Variants in APBB2 observed in about 807,000 individuals in gnomAD.
APBB2 encodes amyloid beta precursor protein binding family B member 2.
APBB2 carries 38 observed loss-of-function variants against 82.5 expected under a neutral mutation model. The observed-to-expected ratio is 0.46, with a 90% CI of 0.36 to 0.60. The LOEUF is 0.60. Among genes scored for constraint, APBB2 ranks in the 20% least tolerant of loss-of-function variants. The pLI is 0.00. For missense variants in APBB2, 772 were observed against 972.3 expected (o/e 0.79, Z 2.74); for synonymous variants, 341 against 368.2 (o/e 0.93, Z 0.85).
intron 12 of APBB2, among the ~76,000 whole-genome samples, chr4:40,871,982 C>T (rs1197936885): frequency 2.6e-5 from 4 of 152,158 alleles, no homozygotes; most frequent in Admixed American, 2.6e-4. Flanking sequence ...AAAGACAGCA[C>T]AGGGCATGGT....
At chr4:40,988,570 G>A (rs1209315845) in intron 6 of APBB2, among the ~76,000 whole-genome samples, 2 of 116,922 alleles carry the variant, frequency 1.7e-5, no homozygotes, top group African/African-American at 3.1e-5. Flanking sequence ...CCCAGGAGGC[G>A]GAGATTGAAG....
At chr4:41,119,466 C>T (rs1752140410) in intron 2 of APBB2, among the ~76,000 whole-genome samples, 1 of 150,958 alleles carries the variant, frequency 6.6e-6, no homozygotes, top group Non-Finnish European at 1.5e-5. Context: ...ATTTACCACA[C>T]CTCCTACTCC....
chr4:41,082,644 C>A (rs1420738272), intron 3 of APBB2, among the ~76,000 whole-genome samples: 3 of 151,238 alleles, frequency 2.0e-5, no homozygotes, highest in Admixed American at 6.6e-5. Flanking sequence ...ACAATCATAG[C>A]TCCCTGCAGC....
At chr4:40,939,115 T>C (rs1786166498) in intron 7 of APBB2, among the ~76,000 whole-genome samples, 1 of 152,218 alleles carries the variant, frequency 6.6e-6, no homozygotes, top group Non-Finnish European at 1.5e-5. Flanking sequence ...CTCTCGGCCT[T>C]GGACTTTTCA....
intron 4 of APBB2, among the ~76,000 whole-genome samples, chr4:41,034,710 G>A (rs1358357572): frequency 1.3e-5 from 2 of 152,206 alleles, no homozygotes; most frequent in African/African-American, 2.4e-5. Flanking sequence ...TTTAAAAAGC[G>A]TACACATATA....
chr4:41,101,470 C>CAAAAA lies in APBB2; in HGVS notation c.-260-725_-260-721dup, dbSNP rs150527764. On this transcript the variant is annotated intron_variant, in intron 2 of 17. Transcript: ENST00000508593. ...TGGGCGACAGAGCGAGACTCCGTCT[C>CAAAAA]AAAAAAAAAAAAAAAAAAAAAAAAA... 4.9e-3 allele frequency among the ~76,000 whole-genome samples: 354 copies of CAAAAA among 72,506 alleles called. 12 individuals carry two copies. Among genetic ancestry groups the CAAAAA allele is most frequent in the East Asian group, 9.6e-3 (13 of 1,348 alleles). The allele number at this position is 72,506 out of a possible 152,430, so 47.6% of individuals were successfully genotyped here.
chr4:41,126,013 G>T (rs1000934715), intron 2 of APBB2, among the ~76,000 whole-genome samples: 3 of 152,102 alleles, frequency 2.0e-5, no homozygotes, highest in African/African-American at 7.2e-5. Flanking sequence ...AAGCACCTCA[G>T]CTTCGTTTCA....
chr4:41,189,009 C>G (rs983828895), intron 1 of APBB2, among the ~76,000 whole-genome samples: 2 of 152,142 alleles, frequency 1.3e-5, no homozygotes, highest in African/African-American at 2.4e-5. Flanking sequence ...CCTACACACC[C>G]CTTACAATTC....
intron 12 of APBB2, among the ~76,000 whole-genome samples, chr4:40,886,111 C>G (rs923071056): frequency 3.3e-5 from 5 of 152,178 alleles, no homozygotes; most frequent in Non-Finnish European, 5.9e-5. Flanking sequence ...ATCTCTGTGC[C>G]CCTACCCAGA....
intron 7 of APBB2, among the ~76,000 whole-genome samples, chr4:40,938,206 C>A (rs73244013): frequency 6.6e-6 from 1 of 152,170 alleles, no homozygotes; most frequent in Non-Finnish European, 1.5e-5. Flanking sequence ...ACAGTCATAG[C>A]TGGGACACCC....
intron 1 of APBB2, among the ~76,000 whole-genome samples, chr4:41,149,507 A>T (rs986412787): frequency 8.1e-6 from 1 of 123,272 alleles, no homozygotes; most frequent in African/African-American, 3.1e-5. Flanking sequence ...GGGAAGGCAC[A>T]GGCGTTAAGA....
intron 4 of APBB2, among the ~76,000 whole-genome samples, chr4:41,053,220 A>T (rs1380433007): frequency 2.6e-5 from 4 of 152,182 alleles, no homozygotes; most frequent in African/African-American, 9.7e-5. Flanking sequence ...TTTTCTCTTT[A>T]CAATTTGATG....
intron 5 of APBB2, among the ~76,000 whole-genome samples, chr4:41,016,829 A>G (rs1810103214): frequency 6.6e-6 from 1 of 152,006 alleles, no homozygotes; most frequent in Non-Finnish European, 1.5e-5. Flanking sequence ...GAAAAAATGC[A>G]GCTCTGTATA....
intron 6 of APBB2, among the ~76,000 whole-genome samples, chr4:40,985,810 TG>T (rs1800271618): frequency 6.6e-6 from 1 of 152,106 alleles, no homozygotes; most frequent in Non-Finnish European, 1.5e-5. Context: ...AGAACAAAGC[TG>T]GGGAAAAAGA....
At chr4:40,864,131 G>C (rs1763471931) in intron 12 of APBB2, among the ~76,000 whole-genome samples, 1 of 151,990 alleles carries the variant, frequency 6.6e-6, no homozygotes, top group Non-Finnish European at 1.5e-5. Context: ...GTGGCGCCGA[G>C]TAATCTCAGC....
chr4:40,979,737 C>T (rs1250384405), intron 6 of APBB2, among the ~76,000 whole-genome samples: 2 of 152,180 alleles, frequency 1.3e-5, no homozygotes, highest in African/African-American at 2.4e-5. Flanking sequence ...GACCTCATCA[C>T]ACAACCCCAA....
intron 2 of APBB2, among the ~76,000 whole-genome samples, chr4:41,119,311 G>A (rs1752083281): frequency 6.6e-6 from 1 of 151,990 alleles, no homozygotes; most frequent in Non-Finnish European, 1.5e-5. Flanking sequence ...GTTTGAACTA[G>A]GATCTCTAGC....
chr4:41,111,095 A>C (rs1749042909), intron 2 of APBB2, among the ~76,000 whole-genome samples: 1 of 152,180 alleles, frequency 6.6e-6, no homozygotes, highest in Non-Finnish European at 1.5e-5. Context: ...CAAGTCACAA[A>C]AGGGCTTGTG....
chr4:40,885,448 G>A (rs1464959407), intron 12 of APBB2, among the ~76,000 whole-genome samples: 5 of 152,174 alleles, frequency 3.3e-5, no homozygotes, highest in Middle Eastern at 3.2e-3. Context: ...AGGGACTGGC[G>A]TGCTAGGAGA....
Sources: allele counts gnomAD v4.1 joint callset (sites outside exome capture counted in the v4.1 genomes callset), GRCh38; gene constraint gnomAD v4.1.1; transcripts MANE v1.5; gene names NCBI Gene and HGNC (gene_info 2026-07-23, HGNC 2026-07-21).